Variants in MACROH2A2 observed in about 807,000 individuals in gnomAD.
The protein encoded by MACROH2A2 is macroH2A.2 histone, also known as core histone macro-H2A.2.
In MACROH2A2, 6 loss-of-function variants were observed where a neutral mutation model predicts 37.6. The observed-to-expected ratio is 0.16, with a 90% confidence interval of 0.09 to 0.32. MACROH2A2 has a LOEUF of 0.32. Among genes scored for constraint, MACROH2A2 ranks in the 10% least tolerant of loss-of-function variants. The probability of loss-of-function intolerance (pLI) is 1.00; values close to 1 mark genes in which losing one functional copy is unlikely to be tolerated. For missense variants in MACROH2A2, 290 were observed against 485.9 expected, an observed-to-expected ratio of 0.60 and a Z score of 3.79; for synonymous variants, 192 against 202.7, an observed-to-expected ratio of 0.95 and a Z score of 0.45.
intron 7 of MACROH2A2, among the ~76,000 whole-genome samples, chr10:70,105,194 A>G (rs1250515134): frequency 6.6e-6 from 1 of 152,226 alleles, no homozygotes; most frequent in Non-Finnish European, 1.5e-5. Flanking sequence ...AAGGAATACA[A>G]AAGTGCTTCA....
At chr10:70,091,673 CAAAA>C (rs571416539) in intron 3 of MACROH2A2, 80 bp from the exon 4 acceptor site, 2,406 of 688,188 alleles carry the variant, frequency 3.5e-3, no homozygotes, top group Non-Finnish European at 4.0e-3. Flanking sequence ...GATTCTGTAT[CAAAA>C]AAAAAAAAAA....
At chr10:70,100,778 G>A (rs1300639492) in intron 7 of MACROH2A2, among the ~76,000 whole-genome samples, 1 of 152,078 alleles carries the variant, frequency 6.6e-6, no homozygotes, top group East Asian at 1.9e-4. Flanking sequence ...CACCATGCCT[G>A]GCTAGTGTTT....
At position 70,053,748 on chromosome 10, in the gene MACROH2A2, C is replaced by A. The variant is rs1216327157; in HGVS notation, c.-60+748C>A. 6.6e-6 allele frequency among the ~76,000 whole-genome samples: 1 copy of A among 151,928 alleles called. No individual in the cohort carries two copies. The highest frequency in any genetic ancestry group is 1.5e-5 in the Non-Finnish European group (1 of 67,938). On this transcript the variant is annotated intron_variant, in intron 1 of 8. Transcript: ENST00000373255. This position sits in a 1 kb window ranked among gnomAD's most constrained non-coding sequence, Gnocchi z 4.8. ...CTTTCCGGGGCGCCCGGTGCCGACG[C>A]GCGCTGCGCTTTCACCGGGAAATGG...
intron 2 of MACROH2A2, among the ~76,000 whole-genome samples, chr10:70,084,302 A>T (rs925526684): frequency 6.6e-6 from 1 of 152,274 alleles, no homozygotes; most frequent in Non-Finnish European, 1.5e-5. Flanking sequence ...AGGGAATATC[A>T]TTCAAATCCT....
intron 2 of MACROH2A2, among the ~76,000 whole-genome samples, chr10:70,078,824 G>A (rs889113562): frequency 6.6e-6 from 1 of 152,208 alleles, no homozygotes; most frequent in Admixed American, 6.5e-5. Context: ...CTACTGTTGA[G>A]TAAATGACAT....
intron 1 of MACROH2A2, among the ~76,000 whole-genome samples, chr10:70,057,363 A>C: frequency 6.6e-6 from 1 of 151,368 alleles, no homozygotes; most frequent in Non-Finnish European, 1.5e-5. Flanking sequence ...GGGGGTGGGG[A>C]GTGGGAGAAT....
At chr10:70,095,809 G>A in intron 6 of MACROH2A2, 56 bp downstream of exon 6, 2 of 832,702 alleles carry the variant, frequency 2.4e-6, no homozygotes, top group Non-Finnish European at 4.2e-6. Context: ...GTTCAGGCAA[G>A]TTCTTGTGAA....
chr10:70,090,314 C>T (rs1387135470), intron 3 of MACROH2A2, 148 bp downstream of exon 3: 4 of 611,308 alleles, frequency 6.5e-6, no homozygotes, highest in Admixed American at 2.9e-5. Flanking sequence ...ACAAATTCTG[C>T]TAGCTCTTAT....
intron 1 of MACROH2A2, among the ~76,000 whole-genome samples, chr10:70,059,304 G>A (rs2072036897): frequency 6.6e-6 from 1 of 152,060 alleles, no homozygotes; most frequent in Non-Finnish European, 1.5e-5. Context: ...AGCTGTTGAA[G>A]TTCCCAGGCA....
rs965026493 is a variant in MACROH2A2, at chr10:70,095,654, C to G, written c.589C>G (p.Leu197Val). 8 of 1,459,082 alleles carry G rather than the reference C, an allele frequency of 5.5e-6. No individual in the cohort carries two copies. The African/African-American group carries it at 1.1e-4, about 20-fold the overall frequency. 90.4% of individuals were successfully genotyped at this position (1,459,082 alleles called of 1,614,324 possible). The change falls in exon 6 of 9, where the codon CTG becomes GTG. Residue 197 changes from leucine (L) to valine (V), a missense_variant and splice_region_variant. By Grantham distance (32) the Leu-to-Val change is conservative. Transcript: ENST00000373255. ...SSKSLVLGQK[L>V]SLTQSDISHI... ...TCACCACCTTTTCTTCCTAATGCAG[C>G]TGTCCTTAACCCAGAGTGACATCAG...
At chr10:70,105,049 A>C (rs2072328489) in intron 7 of MACROH2A2, among the ~76,000 whole-genome samples, 1 of 152,208 alleles carries the variant, frequency 6.6e-6, no homozygotes, top group Non-Finnish European at 1.5e-5. Flanking sequence ...ATGTTCAGGG[A>C]GGCAGAAGCT....
intron 7 of MACROH2A2, among the ~76,000 whole-genome samples, chr10:70,103,386 T>C (rs1014486111): frequency 2.6e-5 from 4 of 152,236 alleles, no homozygotes; most frequent in African/African-American, 7.2e-5. Flanking sequence ...AATTATTTTT[T>C]AAATAGAGAT....
chr10:70,096,698 G>A (rs186662488), intron 6 of MACROH2A2, among the ~76,000 whole-genome samples: 40 of 152,292 alleles, frequency 2.6e-4, no homozygotes, highest in Non-Finnish European at 5.1e-4. Flanking sequence ...GCAAAGAAGG[G>A]GCTTTGTCTC....
In MACROH2A2 at chr10:70,076,133, A is replaced by G. The variant is rs12245327; in HGVS notation, c.172+303A>G. Among the ~76,000 whole-genome samples the G allele has an allele frequency of 5.0e-3, 758 of 152,374 alleles. 7 individuals are homozygous for G. Among genetic ancestry groups the G allele is most frequent in the African/African-American group, 0.017 (724 of 41,574 alleles). ...GTCTTGCTTTAAGCGAATGCAATAT[A>G]TAAATATCTAAGCTCCTGAAGAAAA... On this transcript the variant is annotated intron_variant, in intron 2 of 8. Coordinates refer to ENST00000373255, the MANE Select transcript of MACROH2A2 (RefSeq NM_018649.3).
intron 2 of MACROH2A2, among the ~76,000 whole-genome samples, chr10:70,077,119 G>A (rs1354643256): frequency 6.6e-6 from 1 of 152,154 alleles, no homozygotes; most frequent in East Asian, 1.9e-4. Flanking sequence ...GTCACGCAGG[G>A]ATCTTGTTGA....
At chr10:70,096,241 C>T (rs1006015660) in intron 6 of MACROH2A2, among the ~76,000 whole-genome samples, 4 of 152,150 alleles carry the variant, frequency 2.6e-5, no homozygotes, top group Non-Finnish European at 5.9e-5. Context: ...CTATCCATGT[C>T]GTTGAGTATG....
intron 1 of MACROH2A2, among the ~76,000 whole-genome samples, chr10:70,071,917 T>G (rs1443434519): frequency 6.6e-6 from 1 of 152,228 alleles, no homozygotes; most frequent in Non-Finnish European, 1.5e-5. Context: ...GCCCGGGACA[T>G]TATTGTACAC....
At chr10:70,100,435 C>T (rs1260132642) in intron 7 of MACROH2A2, 138 bp downstream of exon 7, 1 of 586,746 alleles carries the variant, frequency 1.7e-6, no homozygotes, top group Non-Finnish European at 3.1e-6. Flanking sequence ...TTTAGCATCT[C>T]AGGTAATTTG....
chr10:70,108,361 G>A (rs1335075366), intron 7 of MACROH2A2, among the ~76,000 whole-genome samples: 2 of 152,218 alleles, frequency 1.3e-5, no homozygotes, highest in Admixed American at 1.3e-4. Flanking sequence ...TGAGTTTTAA[G>A]AGTCTAAGAT....
Sources: allele counts gnomAD v4.1 joint callset (sites outside exome capture counted in the v4.1 genomes callset), GRCh38; gene constraint gnomAD v4.1.1; non-coding constraint Gnocchi (gnomAD v3.1); transcripts MANE v1.5; gene names NCBI Gene and HGNC (gene_info 2026-07-23, HGNC 2026-07-21).